The following DCTN4 variants were observed in gnomAD, a reference collection of about 807,000 sequenced individuals.
DCTN4 encodes dynactin subunit 4.
A neutral mutation model predicts 62.7 loss-of-function variants in DCTN4; 23 were observed. The ratio of observed to expected loss-of-function variants is 0.37; its 90% CI spans 0.26 to 0.52. The LOEUF is 0.52. Among genes scored for constraint, DCTN4 ranks in the 20% least tolerant of loss-of-function variants. DCTN4 has a pLI of 0.92. For synonymous variants in DCTN4, 199 were observed against 202.1 expected, an observed-to-expected ratio of 0.98 and a Z score of 0.13; for missense variants, 514 against 580.4, an observed-to-expected ratio of 0.89 and a Z score of 1.18.
chr5:150,731,546 C>G, intron 5 of DCTN4, 57 bp from the exon 6 acceptor site: 1 of 1,399,602 alleles, frequency 7.1e-7, no homozygotes, highest in Non-Finnish European at 9.9e-7. Flanking sequence ...CCCTATTTAT[C>G]AAAAGAAAGA....
chr5:150,737,531 T>A (rs918533164), intron 4 of DCTN4, among the ~76,000 whole-genome samples: 1 of 152,146 alleles, frequency 6.6e-6, no homozygotes. Flanking sequence ...GGGTCAACAA[T>A]GAAATCAGGA....
At chr5:150,740,075 G>C (rs1051998981) in intron 4 of DCTN4, among the ~76,000 whole-genome samples, 6 of 151,706 alleles carry the variant, frequency 4.0e-5, no homozygotes, top group Admixed American at 1.3e-4. Context: ...AAAATAAATG[G>C]AACTTAAACT....
intron 3 of DCTN4, among the ~76,000 whole-genome samples, chr5:150,752,593 A>C (rs1382989374): frequency 6.6e-6 from 1 of 152,228 alleles, no homozygotes; most frequent in Non-Finnish European, 1.5e-5. Flanking sequence ...TGTTCTAGCC[A>C]ACACTTGATA....
At chr5:150,756,390 G>T in intron 2 of DCTN4, 27 bp downstream of exon 2, 1 of 1,407,850 alleles carries the variant, frequency 7.1e-7, no homozygotes, top group Non-Finnish European at 9.6e-7. Context: ...AAAATAGGAA[G>T]AAAAAAAAAA....
At chr5:150,753,885 A>T (rs1752767168) in intron 2 of DCTN4, among the ~76,000 whole-genome samples, 1 of 152,246 alleles carries the variant, frequency 6.6e-6, no homozygotes, top group Non-Finnish European at 1.5e-5. Context: ...CTCCACAGAG[A>T]GAACCATTGT....
At chr5:150,723,453 T>C (rs1760026154) in intron 8 of DCTN4, among the ~76,000 whole-genome samples, 1 of 152,198 alleles carries the variant, frequency 6.6e-6, no homozygotes, top group Non-Finnish European at 1.5e-5. Flanking sequence ...TTCCAGATCC[T>C]ATGCTTTAAA....
intron 1 of DCTN4, 122 bp downstream of exon 1, chr5:150,758,737 G>A: frequency 1.4e-6 from 2 of 1,432,332 alleles, no homozygotes; most frequent in African/African-American, 2.8e-5. Flanking sequence ...GCAAACCCGA[G>A]TGACGGAAGA....
At chr5:150,715,048 A>T (rs61094431) in intron 12 of DCTN4, among the ~76,000 whole-genome samples, 3,288 of 151,920 alleles carry the variant, frequency 0.022, 116 homozygotes, top group African/African-American at 0.073. Flanking sequence ...ATCATTGAAA[A>T]CATTCAGTCT....
chr5:150,714,724 T>G (rs1759693462), intron 12 of DCTN4, among the ~76,000 whole-genome samples: 1 of 152,082 alleles, frequency 6.6e-6, no homozygotes, highest in Admixed American at 6.6e-5. Flanking sequence ...AGTTGAAGTT[T>G]TCCAATTCTT....
intron 8 of DCTN4, among the ~76,000 whole-genome samples, chr5:150,725,244 C>G (rs1760101126): frequency 6.7e-6 from 1 of 150,056 alleles, no homozygotes; most frequent in Non-Finnish European, 1.5e-5. Flanking sequence ...ATACTATAAT[C>G]TCTGCATATT....
chr5:150,741,069 G>T (rs1339163916), intron 4 of DCTN4, among the ~76,000 whole-genome samples: 1 of 150,968 alleles, frequency 6.6e-6, no homozygotes, highest in Non-Finnish European at 1.5e-5. Flanking sequence ...AATGGCTGAG[G>T]TGGGAGGATT....
chr5:150,715,532 T>C (rs1429442574), intron 12 of DCTN4, 33 bp downstream of exon 12: 3 of 1,569,414 alleles, frequency 1.9e-6, no homozygotes, highest in Admixed American at 1.7e-5. Context: ...TATCAGCCAT[T>C]TGTTGTATGG....
rs1469018054 is a variant in DCTN4, at chr5:150,711,072, T to C, written c.*77A>G. On this transcript the variant is annotated 3_prime_UTR_variant, in exon 13 of 13. Coordinates refer to ENST00000447998, the MANE Select transcript of DCTN4 (RefSeq NM_016221.4). ...GTACATCGTTATAAACAAGGCCTAATGAAGCAGCAGCTTCCACATTTTAAC... is the reference window on the plus strand; with the variant it reads ...GTACATCGTTATAAACAAGGCCTAACGAAGCAGCAGCTTCCACATTTTAAC... 5.1e-6 allele frequency: 7 copies of C among 1,371,190 alleles called. No homozygotes were observed. The highest frequency in any genetic ancestry group is 6.2e-6 in the Non-Finnish European group (6 of 971,466). 84.9% of individuals were successfully genotyped at this position (1,371,190 alleles called of 1,614,324 possible).
intron 4 of DCTN4, among the ~76,000 whole-genome samples, chr5:150,738,519 G>C (rs1046874386): frequency 3.3e-5 from 5 of 152,080 alleles, no homozygotes; most frequent in Non-Finnish European, 7.4e-5. Context: ...AAAAATCACA[G>C]GATCATCTCA....
chr5:150,716,341 T>C (rs766596659), intron 11 of DCTN4, among the ~76,000 whole-genome samples: 8 of 152,196 alleles, frequency 5.3e-5, no homozygotes, highest in Non-Finnish European at 1.2e-4. Flanking sequence ...ACAATGTTTT[T>C]TGACATGGTA....
intron 12 of DCTN4, 26 bp downstream of exon 12, chr5:150,715,539 A>T (rs1478708518): frequency 6.3e-7 from 1 of 1,593,476 alleles, no homozygotes; most frequent in Admixed American, 1.7e-5. Context: ...CATTTGTTGT[A>T]TGGGGATCAC....
In DCTN4 at chr5:150,730,662, T is replaced by A. The variant is rs1170408580; in HGVS notation, c.803A>T (p.His268Leu). ...CASQLYPRHK[H>L]LLIKRSLRCR... ...GCGCAGGGACCGTTTGATCAGAAGA[T>A]GTTTGTGGCGAGGATAGAGCTGTGA... The change falls in exon 8 of 13, where the codon CAT becomes CTT. Residue 268 changes from histidine to leucine, a missense_variant. Transcript: ENST00000447998. The A allele has an allele frequency of 4.3e-6, 7 of 1,613,982 alleles. No individual in the cohort carries two copies. The highest frequency in any genetic ancestry group is 5.9e-6 in the Non-Finnish European group (7 of 1,179,932).
At position 150,709,360 on chromosome 5, in the gene DCTN4, T is replaced by C. The variant is rs1759481333; in HGVS notation, c.*1789A>G. ...GACATGTGTGTAGTCTATGCAAACG[T>C]GTAAACATATGAAGCTATTCTCTAC... On this transcript the variant is annotated 3_prime_UTR_variant, in exon 13 of 13. Transcript: ENST00000447998. 1 of 152,344 alleles carries C rather than the reference T, an allele frequency of 6.6e-6. No homozygotes were observed. Among genetic ancestry groups the C allele is most frequent in the African/African-American group, 2.4e-5 (1 of 41,452 alleles). The allele number at this position is 152,344 out of a possible 1,614,324, so 9.4% of individuals were successfully genotyped here.
intron 1 of DCTN4, among the ~76,000 whole-genome samples, chr5:150,756,884 T>C (rs1463262719): frequency 1.3e-5 from 2 of 152,190 alleles, no homozygotes; most frequent in Admixed American, 1.3e-4. Context: ...ACCATACTTT[T>C]AGGTTTTGAA....
Sources: gnomAD v4.1 joint callset for allele counts (sites outside exome capture counted in the v4.1 genomes callset) on GRCh38, gnomAD v4.1.1 for gene constraint, MANE v1.5 for transcripts, NCBI Gene and HGNC (gene_info 2026-07-23, HGNC 2026-07-21) for gene names.